MED23: variants seen among roughly 807,000 people sequenced by gnomAD.
The protein encoded by MED23 is mediator of RNA polymerase II transcription subunit 23.
Under a neutral mutation model 163.9 loss-of-function variants are expected in MED23, and 105 were observed. That is an observed-to-expected ratio of 0.64 (90% CI 0.55 to 0.75). MED23 has a LOEUF of 0.75. MED23 is among the 30% of genes least tolerant of loss of function. MED23 has a pLI of 0.00. For synonymous variants in MED23, 561 were observed against 565.6 expected (o/e 0.99, Z 0.12); for missense variants, 1,054 against 1,649.0 (o/e 0.64, Z 6.25).
At chr6:131,594,010 A>G in intron 23 of MED23, 89 bp downstream of exon 23, 2 of 1,141,600 alleles carry the variant, frequency 1.8e-6, no homozygotes, top group Non-Finnish European at 2.5e-6. Flanking sequence ...CTTGAAATAC[A>G]TAAAAAATTA....
chr6:131,578,679 T>G (rs1773752608), intron 30 of MED23, among the ~76,000 whole-genome samples: 1 of 152,118 alleles, frequency 6.6e-6, no homozygotes, highest in African/African-American at 2.4e-5. Context: ...TTTCTAAATT[T>G]TCTGAGAATA....
At chr6:131,591,673 C>T in intron 25 of MED23, 146 bp from the exon 26 acceptor site, 1 of 673,010 alleles carries the variant, frequency 1.5e-6, no homozygotes, top group Non-Finnish European at 2.6e-6. Flanking sequence ...TGTAACTGGT[C>T]AAATTAAGTC....
intron 3 of MED23, among the ~76,000 whole-genome samples, chr6:131,626,046 C>T (rs1777469611): frequency 6.8e-6 from 1 of 148,110 alleles, no homozygotes; most frequent in African/African-American, 2.5e-5. Context: ...GGCGTGAACC[C>T]GAGAGGCAGA....
downstream of MED23, chr6:131,583,763 T>C (rs769207030): frequency 8.7e-6 from 14 of 1,613,890 alleles, no homozygotes; most frequent in African/African-American, 1.3e-5. Flanking sequence ...GGATTAGATA[T>C]AATGGAAGTG....
chr6:131,587,397 C>A lies in MED23; in HGVS notation c.*282G>T. On this transcript the variant is annotated 3_prime_UTR_variant, in exon 29 of 29. Coordinates refer to ENST00000368068, the MANE Select transcript of MED23 (RefSeq NM_004830.4). The stretch of plus-strand genomic sequence containing the variant: ...AAGACTGAAAGTGCCAATGACAAGT[C>A]ATTTGATCACAGATACCTCTATGTT... The A allele has an allele frequency of 8.2e-7, 1 of 1,220,678 alleles. No individual in the cohort carries two copies. Among genetic ancestry groups the A allele is most frequent in the Non-Finnish European group, 1.0e-6 (1 of 976,536 alleles). 75.6% of individuals were successfully genotyped at this position (1,220,678 alleles called of 1,614,324 possible).
Position 131,605,439 on chromosome 6 carries a change from A to T in MED23, c.1414T>A (p.Tyr472Asn). The T allele has an allele frequency of 6.2e-7, 1 of 1,609,760 alleles. No homozygotes were observed. Among genetic ancestry groups the T allele is most frequent in the South Asian group, 1.1e-5 (1 of 90,508 alleles). ...GCATTACACAATAGAGCAATCTTAT[A>T]GTCATTCATCTGTAAACTTTTATTT... ...LRNKSLQMND[Y>N]KIALLCNAYS... is the part of the protein sequence containing the mutation. Residue 472 changes from tyrosine (Y) to asparagine (N), a missense_variant, in exon 14 of 29, where the codon TAT becomes AAT. Physicochemically the swap from Tyr to Asn is moderately radical, Grantham distance 143. This residue lies in a region of MED23 where 39 missense variants were observed against 50.5 expected (regional missense o/e 0.77). Coordinates refer to ENST00000368068, the MANE Select transcript of MED23 (RefSeq NM_004830.4).
In MED23 at chr6:131,602,224, C is replaced by G; in HGVS notation, c.2089G>C (p.Val697Leu). 1 of 1,613,796 alleles carries G rather than the reference C, an allele frequency of 6.2e-7. No individual in the cohort carries two copies. The highest frequency in any genetic ancestry group is 8.5e-7 in the Non-Finnish European group (1 of 1,179,738). The change falls in exon 17 of 29, where the codon GTA becomes CTA. Residue 697 changes from valine to leucine, a missense_variant. Transcript: ENST00000368068. ...LILTLARATH[V>L]TDFFTGSDSI... ...AGTCACATATTCACCGTACCTGTTACATGAGTTGCTCTAGCCAAGGTCAAT... is the reference window on the plus strand; with the variant it reads ...AGTCACATATTCACCGTACCTGTTAGATGAGTTGCTCTAGCCAAGGTCAAT...
chr6:131,603,801 C>A (rs1444879486), intron 15 of MED23, among the ~76,000 whole-genome samples: 1 of 152,152 alleles, frequency 6.6e-6, no homozygotes, highest in South Asian at 2.1e-4. Flanking sequence ...AAAATTCCTT[C>A]TTTATTTCCA....
intron 13 of MED23, among the ~76,000 whole-genome samples, chr6:131,605,827 G>C (rs922689959): frequency 1.3e-5 from 2 of 152,268 alleles, no homozygotes; most frequent in East Asian, 3.9e-4. Flanking sequence ...ACACAACAAT[G>C]TCTTCATTAC....
At chr6:131,592,590 G>A in intron 24 of MED23, 130 bp from the exon 25 acceptor site, 1 of 802,322 alleles carries the variant, frequency 1.2e-6, no homozygotes, top group South Asian at 1.5e-5. Context: ...ATAAAACAAT[G>A]GGGAATTTTT....
Position 131,605,226 on chromosome 6 carries a change from T to C in MED23, c.1613+14A>G. 6.2e-7 allele frequency: 1 copy of C among 1,613,046 alleles called. No homozygotes were observed. Among genetic ancestry groups the C allele is most frequent in the South Asian group, 1.1e-5 (1 of 91,064 alleles). ...ATTCCCTGACATGGAACCAAATTAA[T>C]AAAAAGAACATACCTCATTTTGGCA... is the stretch of plus-strand genomic sequence containing the variant. On this transcript the variant is annotated intron_variant, in intron 14 of 28. Transcript: ENST00000368068.
chr6:131,619,708 G>T, intron 8 of MED23, 119 bp downstream of exon 8: 1 of 756,842 alleles, frequency 1.3e-6, no homozygotes, highest in Non-Finnish European at 2.3e-6. Flanking sequence ...AGCTCTTAGA[G>T]AGTCACCAAA....
At chr6:131,593,872 C>T (rs773259202) in intron 23 of MED23, among the ~76,000 whole-genome samples, 151 of 151,732 alleles carry the variant, frequency 1.0e-3, no homozygotes, top group Non-Finnish European at 1.8e-3. Flanking sequence ...ATTTTTTTAC[C>T]GCTTATCCTC....
chr6:131,581,519 G>T, intron 30 of MED23: 1 of 1,045,960 alleles, frequency 9.6e-7, no homozygotes, highest in Non-Finnish European at 1.4e-6. Context: ...TAAGCAAAGG[G>T]TTGGTTGATA....
chr6:131,627,931 A>G, intron 1 of MED23, 80 bp downstream of exon 1: 2 of 1,576,962 alleles, frequency 1.3e-6, no homozygotes, highest in South Asian at 2.2e-5. Context: ...GAGGTTGCCC[A>G]GGCCAGTTTC....
At chr6:131,623,180 AG>A (rs1777234474) in intron 5 of MED23, among the ~76,000 whole-genome samples, 170 bp downstream of exon 5, 1 of 152,226 alleles carries the variant, frequency 6.6e-6, no homozygotes, top group Non-Finnish European at 1.5e-5. Context: ...GGAGTAGCGG[AG>A]CCAGGGAAAC....
chr6:131,574,328 G>T, intron 30 of MED23: 1 of 1,613,826 alleles, frequency 6.2e-7, no homozygotes, highest in Non-Finnish European at 8.5e-7. Context: ...CCAGAGGTTA[G>T]AGGCCCAAAC....
At chr6:131,619,947 A>G (rs778893017) in intron 7 of MED23, 51 bp from the exon 8 acceptor site, 1 of 1,099,328 alleles carries the variant, frequency 9.1e-7, no homozygotes, top group South Asian at 1.2e-5. Context: ...CAAAAGGAAA[A>G]TTGAGACTGC....
chr6:131,574,339 T>A (rs532725209), intron 30 of MED23: 16 of 1,612,742 alleles, frequency 9.9e-6, no homozygotes, highest in East Asian at 8.9e-5. Flanking sequence ...AGGCCCAAAC[T>A]GCATTTGGAC....
Sources: gnomAD v4.1 joint callset for allele counts (sites outside exome capture counted in the v4.1 genomes callset) on GRCh38, gnomAD v4.1.1 for gene constraint, gnomAD v4.1.1 regional missense constraint, MANE v1.5 for transcripts, NCBI Gene and HGNC (gene_info 2026-07-23, HGNC 2026-07-21) for gene names.